The following TSG101 variants were observed in gnomAD, a reference collection of about 807,000 sequenced individuals.
TSG101 encodes the protein tumor susceptibility 101.
TSG101 carries 19 observed loss-of-function variants against 48.5 expected under a neutral mutation model. That is an observed-to-expected ratio of 0.39 (90% CI 0.27 to 0.58). The LOEUF is 0.58. TSG101 is among the 20% of genes least tolerant of loss of function. The pLI is 0.55. For missense variants in TSG101, 365 were observed against 484.4 expected (o/e 0.75, Z 2.31); for synonymous variants, 174 against 169.4 (o/e 1.03, Z -0.21).
At position 18,480,573 on chromosome 11, in the gene TSG101, C is replaced by T; in HGVS notation, c.1146G>A (p.Lys382=). 1 of 1,614,004 alleles carries T rather than the reference C, an allele frequency of 6.2e-7. No individual in the cohort carries two copies. The highest frequency in any genetic ancestry group is 1.7e-5 in the Admixed American group (1 of 59,986). Residue 382 remains lysine (K), a synonymous_variant, in exon 10 of 10, where the codon AAG becomes AAA. Coordinates refer to ENST00000251968, the MANE Select transcript of TSG101 (RefSeq NM_006292.4). ...QLRALMQKAR[K]TAGLSDLY Reference sequence around the variant, plus strand: ...AGTAGAGGTCACTGAGACCGGCAGTCTTTCTTGCTTTTTGCATTAGTGCCC... The same window carrying T: ...AGTAGAGGTCACTGAGACCGGCAGTTTTTCTTGCTTTTTGCATTAGTGCCC...
At chr11:18,488,391 T>C (rs1370487373) in intron 7 of TSG101, among the ~76,000 whole-genome samples, 1 of 152,154 alleles carries the variant, frequency 6.6e-6, no homozygotes, top group African/African-American at 2.4e-5. Context: ...TATTATCAAT[T>C]CTCTCCACTG....
At position 18,481,617 on chromosome 11, in the gene TSG101, A is replaced by C. The variant is rs1011341819; in HGVS notation, c.1083+13T>G. On this transcript the variant is annotated intron_variant, in intron 9 of 9. Transcript: ENST00000251968. ...CAAGTTAAAAAATCTTGGAACGTAAAATGAAGAAATACCTTCAGGAAGACA... is the reference window on the plus strand; with the variant it reads ...CAAGTTAAAAAATCTTGGAACGTAACATGAAGAAATACCTTCAGGAAGACA... 2.5e-6 allele frequency: 4 copies of C among 1,603,826 alleles called. No individual in the cohort carries two copies. In the African/African-American group the frequency reaches 5.4e-5, roughly 22 times the overall value.
chr11:18,508,063 C>A (rs1015417802), intron 5 of TSG101, among the ~76,000 whole-genome samples: 2 of 149,850 alleles, frequency 1.3e-5, no homozygotes, highest in South Asian at 4.3e-4. Flanking sequence ...CACTGCACTC[C>A]GGCCTGGGCA....
chr11:18,526,761 C>G lies in TSG101; in HGVS notation c.42+14G>C. The stretch of plus-strand genomic sequence containing the variant: ...GTGGGCGCGCCCTGGGAGGCGAGCG[C>G]GTCGCAGCCTCACCTTGGACACCAT... On this transcript the variant is annotated intron_variant, in intron 1 of 9. Coordinates refer to ENST00000251968, the MANE Select transcript of TSG101 (RefSeq NM_006292.4). 1 of 1,600,136 alleles carries G rather than the reference C, an allele frequency of 6.2e-7. No individual in the cohort carries two copies. The highest frequency in any genetic ancestry group is 8.5e-7 in the Non-Finnish European group (1 of 1,179,168).
intron 2 of TSG101, among the ~76,000 whole-genome samples, chr11:18,518,950 T>C (rs1421398472): frequency 6.6e-6 from 1 of 152,174 alleles, no homozygotes; most frequent in Admixed American, 6.6e-5. Context: ...GACTAAATTA[T>C]CTTTAACATC....
At chr11:18,498,467 A>G in intron 7 of TSG101, among the ~76,000 whole-genome samples, 1 of 152,182 alleles carries the variant, frequency 6.6e-6, no homozygotes, top group East Asian at 1.9e-4. Context: ...ACTGGATATG[A>G]TCAGATTCTA....
chr11:18,502,384 A>C, intron 7 of TSG101, 102 bp downstream of exon 7: 1 of 855,454 alleles, frequency 1.2e-6, no homozygotes, highest in Non-Finnish European at 1.8e-6. Flanking sequence ...TTTTCCTCTA[A>C]GAAGAAAGAG....
chr11:18,526,461 G>A (rs1048637146), intron 1 of TSG101, among the ~76,000 whole-genome samples: 1 of 152,218 alleles, frequency 6.6e-6, no homozygotes, highest in African/African-American at 2.4e-5. Context: ...AAAAACAAAC[G>A]AAAAACTACA....
Position 18,526,817 on chromosome 11 carries a change from G to A in TSG101, c.-1C>T, listed in dbSNP as rs1229418428. 2 of 1,602,510 alleles carry A rather than the reference G, an allele frequency of 1.2e-6. No individual in the cohort carries two copies. Among genetic ancestry groups the A allele is most frequent in the African/African-American group, 1.3e-5 (1 of 74,904 alleles). On this transcript the variant is annotated 5_prime_UTR_variant, in exon 1 of 10. Coordinates refer to ENST00000251968, the MANE Select transcript of TSG101 (RefSeq NM_006292.4). ...TGAGCTGGCTCTCCGACACCGCCAT[G>A]ACGGCCGCCTGGCGACTCCCTTCCC...
chr11:18,493,432 G>A lies in TSG101; in HGVS notation c.640+9054C>T, dbSNP rs1435853543. Among the ~76,000 whole-genome samples the A allele has an allele frequency of 2.0e-5, 3 of 152,180 alleles. No individual in the cohort carries two copies. In the East Asian group the frequency reaches 5.8e-4, roughly 29 times the overall value. On this transcript the variant is annotated intron_variant, in intron 7 of 9. Coordinates refer to ENST00000251968, the MANE Select transcript of TSG101 (RefSeq NM_006292.4). ...TATTTACAAACGATCACTACTTCCT[G>A]GAACTCAAATGAAGCTATTTTATAT...
intron 6 of TSG101, among the ~76,000 whole-genome samples, chr11:18,506,360 G>C (rs1007857847): frequency 6.1e-5 from 9 of 148,362 alleles, no homozygotes; most frequent in Non-Finnish European, 1.0e-4. Flanking sequence ...TTCAGCCAAG[G>C]GGAAAAATAT....
rs1849547252 is a variant in TSG101 at position 18,481,911 on chromosome 11, T to A, written c.844-42A>T. 3 of 1,598,004 alleles carry A rather than the reference T, an allele frequency of 1.9e-6. No homozygotes were observed. In the East Asian group the frequency reaches 6.7e-5, roughly 36 times the overall value. ...CCAAGCATTAATAACTGTACATAAT[T>A]ATCCACTTGTCAGACACCTACAACA... On this transcript the variant is annotated intron_variant, in intron 8 of 9. Coordinates refer to ENST00000251968, the MANE Select transcript of TSG101 (RefSeq NM_006292.4).
chr11:18,516,352 TTTTG>T (rs1426013880), intron 2 of TSG101, among the ~76,000 whole-genome samples, 188 bp from the exon 3 acceptor site: 1 of 150,038 alleles, frequency 6.7e-6, no homozygotes, highest in Admixed American at 6.6e-5. Context: ...ATCAGCTCTT[TTTTG>T]TTTTTTTTTT....
chr11:18,512,620 TTA>T (rs1850104303), intron 4 of TSG101, among the ~76,000 whole-genome samples: 1 of 152,064 alleles, frequency 6.6e-6, no homozygotes, highest in African/African-American at 2.4e-5. Flanking sequence ...TTGTGAAAAA[TTA>T]TAGAGAGTCT....
At chr11:18,486,196 C>T (rs1358071126) in intron 7 of TSG101, among the ~76,000 whole-genome samples, 1 of 152,220 alleles carries the variant, frequency 6.6e-6, no homozygotes, top group Non-Finnish European at 1.5e-5. Flanking sequence ...TCTTGATTGT[C>T]AGTGCATCCC....
intron 7 of TSG101, among the ~76,000 whole-genome samples, chr11:18,495,809 T>C (rs140531532): frequency 4.1e-4 from 63 of 151,824 alleles, no homozygotes; most frequent in African/African-American, 1.4e-3. Context: ...AAAAGGACTC[T>C]ACATAGATCA....
At chr11:18,492,208 T>C (rs1211189296) in intron 7 of TSG101, among the ~76,000 whole-genome samples, 3 of 152,258 alleles carry the variant, frequency 2.0e-5, no homozygotes, top group Non-Finnish European at 4.4e-5. Flanking sequence ...TGAAATATTA[T>C]GATGGTTCTT....
intron 4 of TSG101, among the ~76,000 whole-genome samples, chr11:18,512,790 C>T (rs1440178300): frequency 1.4e-5 from 2 of 142,256 alleles, no homozygotes; most frequent in Admixed American, 7.5e-5. Flanking sequence ...TGCAGTGGTG[C>T]GATCTCGGCT....
chr11:18,496,786 C>G (rs1198967979), intron 7 of TSG101, among the ~76,000 whole-genome samples: 1 of 151,920 alleles, frequency 6.6e-6, no homozygotes, highest in Non-Finnish European at 1.5e-5. Flanking sequence ...AGAGCAAGAT[C>G]CTGTATCAAA....
Sources: allele counts gnomAD v4.1 joint callset (sites outside exome capture counted in the v4.1 genomes callset), GRCh38; gene constraint gnomAD v4.1.1; transcripts MANE v1.5; gene names NCBI Gene and HGNC (gene_info 2026-07-23, HGNC 2026-07-21).